Variants in PODXL2 observed in about 807,000 individuals in gnomAD.
The protein encoded by PODXL2 is podocalyxin like 2.
Under a neutral mutation model 53.4 loss-of-function variants are expected in PODXL2, and 17 were observed. The observed-to-expected ratio is 0.32, with a 90% CI of 0.22 to 0.48. The LOEUF is 0.48. PODXL2 is among the 20% of genes least tolerant of loss of function. The pLI is 0.99. For missense variants in PODXL2, 673 were observed against 760.0 expected, an observed-to-expected ratio of 0.89 and a Z score of 1.35; for synonymous variants, 311 against 306.7, an observed-to-expected ratio of 1.01 and a Z score of -0.15.
intron 2 of PODXL2, among the ~76,000 whole-genome samples, chr3:127,649,438 T>G (rs2074675596): frequency 6.6e-6 from 1 of 152,238 alleles, no homozygotes; most frequent in South Asian, 2.1e-4. Flanking sequence ...AGGTTCAGAA[T>G]ATTTGTCTTT....
intron 4 of PODXL2, among the ~76,000 whole-genome samples, chr3:127,665,088 T>C (rs1369902577): frequency 2.0e-5 from 3 of 152,200 alleles, no homozygotes; most frequent in Non-Finnish European, 2.9e-5. Context: ...AAAACTATTA[T>C]CTGATTACCT....
intron 1 of PODXL2, among the ~76,000 whole-genome samples, chr3:127,634,309 C>T (rs750919620): frequency 6.6e-6 from 1 of 152,038 alleles, no homozygotes; most frequent in Non-Finnish European, 1.5e-5. Context: ...CCTGTAATCC[C>T]TGCTACTCGG....
At chr3:127,638,056 T>G (rs2074589334) in intron 1 of PODXL2, among the ~76,000 whole-genome samples, 1 of 152,152 alleles carries the variant, frequency 6.6e-6, no homozygotes, top group South Asian at 2.1e-4. Context: ...GATCCTTAAG[T>G]GTTAGTCTTG....
At chr3:127,656,623 T>C (rs1353713048) in intron 2 of PODXL2, among the ~76,000 whole-genome samples, 3 of 148,406 alleles carry the variant, frequency 2.0e-5, no homozygotes, top group Non-Finnish European at 3.0e-5. Flanking sequence ...TAGTCCCAGC[T>C]ACTCAGGAGG....
At chr3:127,670,609 A>G (rs2074826439) in intron 6 of PODXL2, among the ~76,000 whole-genome samples, 1 of 152,198 alleles carries the variant, frequency 6.6e-6, no homozygotes, top group Non-Finnish European at 1.5e-5. Context: ...AGTACTGGAG[A>G]TACACGGGTG....
Position 127,672,370 on chromosome 3 carries a change from A to G in PODXL2, c.1708A>G (p.Ser570Gly). Reference protein sequence around the residue: ...SQSEMQEKHPSLNGGGALNGP... With the variant: ...SQSEMQEKHPGLNGGGALNGP... The stretch of plus-strand genomic sequence containing the variant: ...GTCGGAGATGCAGGAGAAGCACCCC[A>G]GCCTGAACGGCGGCGGGGCCCTCAA... Residue 570 changes from serine (S) to glycine (G), a missense_variant, in exon 8 of 8, where the codon AGC becomes GGC. By Grantham distance (56) the Ser-to-Gly change is moderately conservative (BLOSUM62 0). This residue lies in a region of PODXL2 where 79 missense variants were observed against 70.5 expected (regional missense o/e 1.12). Transcript: ENST00000342480. 6.5e-7 allele frequency: 1 copy of G among 1,548,612 alleles called. No individual in the cohort carries two copies. Among genetic ancestry groups the G allele is most frequent in the Non-Finnish European group, 8.7e-7 (1 of 1,147,294 alleles).
At chr3:127,632,549 T>C (rs1295012626) in intron 1 of PODXL2, among the ~76,000 whole-genome samples, 1 of 152,238 alleles carries the variant, frequency 6.6e-6, no homozygotes, top group Non-Finnish European at 1.5e-5. Flanking sequence ...CTATACAATG[T>C]GTATTATTTA....
At chr3:127,670,460 T>G (rs1237559813) in intron 6 of PODXL2, among the ~76,000 whole-genome samples, 2 of 152,198 alleles carry the variant, frequency 1.3e-5, no homozygotes, top group Non-Finnish European at 2.9e-5. Flanking sequence ...CCCCCTGCTT[T>G]TCGCTGCCCC....
intron 6 of PODXL2, among the ~76,000 whole-genome samples, chr3:127,670,581 TAAC>T (rs2074826307): frequency 6.6e-6 from 1 of 152,154 alleles, no homozygotes. Context: ...TGACCCTTGA[TAAC>T]AAAAAATTGA....
intron 7 of PODXL2, 74 bp from the exon 8 acceptor site, chr3:127,672,194 C>T (rs995988444): frequency 7.6e-7 from 1 of 1,307,818 alleles, no homozygotes; most frequent in Admixed American, 2.0e-5. Context: ...GGTGGGGTTG[C>T]ACAGACGGCC....
In PODXL2 at chr3:127,671,520, G is replaced by C. The variant is rs372244218; in HGVS notation, c.1512G>C (p.Val504=). The change falls in exon 7 of 8, where the codon GTG becomes GTC. Residue 504 remains valine (V), a synonymous_variant. Coordinates refer to ENST00000342480, the MANE Select transcript of PODXL2 (RefSeq NM_015720.4). ...VRSDYGTLFV[V]LVVIGAICII... ...GCGACTACGGCACGCTCTTCGTGGT[G>C]CTGGTGGTCATTGGGGCCATCTGCA... is the stretch of plus-strand genomic sequence containing the variant. The C allele has an allele frequency of 1.2e-6, 2 of 1,614,080 alleles. No homozygotes were observed. Among genetic ancestry groups the C allele is most frequent in the African/African-American group, 2.7e-5 (2 of 74,946 alleles).
At chr3:127,668,651 CCCCT>C in intron 5 of PODXL2, 54 bp downstream of exon 5, 1 of 1,426,036 alleles carries the variant, frequency 7.0e-7, no homozygotes, top group Non-Finnish European at 9.2e-7. Flanking sequence ...AGGCGGGCGG[CCCCT>C]GAGGGTCACG....
intron 2 of PODXL2, among the ~76,000 whole-genome samples, chr3:127,641,824 T>A (rs935425512): frequency 6.6e-6 from 1 of 152,070 alleles, no homozygotes; most frequent in African/African-American, 2.4e-5. Context: ...CCCTGATTTT[T>A]AACAACTACG....
chr3:127,672,320 C>T lies in PODXL2; in HGVS notation c.1658C>T (p.Thr553Met). Reference sequence around the variant, plus strand: ...GAGAACGGCTGCCACGACAACCCCACGCTGGACGTGGCCAGCGACAGCCAG... The same window carrying T: ...GAGAACGGCTGCCACGACAACCCCATGCTGGACGTGGCCAGCGACAGCCAG... ...FVENGCHDNP[T>M]LDVASDSQSE... The change falls in exon 8 of 8, where the codon ACG (threonine) becomes ATG (methionine). Residue 553 changes from threonine to methionine, a missense_variant. This residue lies in a region of PODXL2 where 6 missense variants were observed against 21.1 expected (regional missense o/e 0.28). Coordinates refer to ENST00000342480, the MANE Select transcript of PODXL2 (RefSeq NM_015720.4). 3 of 1,549,972 alleles carry T rather than the reference C, an allele frequency of 1.9e-6. No homozygotes were observed. The highest frequency in any genetic ancestry group is 1.4e-5 in the African/African-American group (1 of 73,316).
At chr3:127,666,313 C>G (rs1047028514) in intron 4 of PODXL2, among the ~76,000 whole-genome samples, 1 of 151,654 alleles carries the variant, frequency 6.6e-6, no homozygotes, top group Admixed American at 6.6e-5. Flanking sequence ...GGTGTCAGGA[C>G]CATTGCCCAT....
intron 4 of PODXL2, 50 bp from the exon 5 acceptor site, chr3:127,668,391 T>C (rs2074808910): frequency 2.1e-6 from 3 of 1,437,212 alleles, no homozygotes; most frequent in Non-Finnish European, 1.8e-6. Context: ...GAGGGCTCAG[T>C]AGAGCCCCTT....
intron 2 of PODXL2, among the ~76,000 whole-genome samples, chr3:127,656,191 T>C (rs1172433993): frequency 1.3e-5 from 2 of 152,244 alleles, no homozygotes; most frequent in East Asian, 1.9e-4. Context: ...TGTAATGCCA[T>C]TGGTGTATAA....
intron 1 of PODXL2, among the ~76,000 whole-genome samples, chr3:127,632,502 C>G (rs1334605950): frequency 6.6e-6 from 1 of 152,234 alleles, no homozygotes; most frequent in Non-Finnish European, 1.5e-5. Context: ...CAGTTCATGG[C>G]CCTCTCAAAG....
intron 4 of PODXL2, among the ~76,000 whole-genome samples, chr3:127,663,176 C>A (rs548426108): frequency 6.6e-6 from 1 of 152,144 alleles, no homozygotes; most frequent in Admixed American, 6.5e-5. Flanking sequence ...GGGACCCAGC[C>A]GTTTCTTAAG....
Sources: gnomAD v4.1 joint callset for allele counts (sites outside exome capture counted in the v4.1 genomes callset) on GRCh38, gnomAD v4.1.1 for gene constraint, gnomAD v4.1.1 regional missense constraint, MANE v1.5 for transcripts, NCBI Gene and HGNC (gene_info 2026-07-23, HGNC 2026-07-21) for gene names.